Variants in LOC128706666 observed in about 807,000 individuals in gnomAD.
chr20:10,426,403 ATGT>A, the LOC128706666 span, among the ~76,000 whole-genome samples: 3 of 148,270 alleles, frequency 2.0e-5, no homozygotes, highest in Non-Finnish European at 4.5e-5. Flanking sequence ...CATGCCTGGC[ATGT>A]TGTTCTTTTT....
the LOC128706666 span, among the ~76,000 whole-genome samples, chr20:10,424,667 C>G: frequency 6.6e-6 from 1 of 152,040 alleles, no homozygotes; most frequent in African/African-American, 2.4e-5. Flanking sequence ...TAAACTCTTG[C>G]AGAGCTTTTA....
the LOC128706666 span, among the ~76,000 whole-genome samples, chr20:10,427,035 C>CACACAGACACACAG: frequency 1.8e-5 from 1 of 56,424 alleles, no homozygotes; most frequent in Non-Finnish European, 6.6e-5. Context: ...CACTGACACA[C>CACACAGACACACAG]ACACACACAC....
At chr20:10,429,526 A>T in the LOC128706666 span, among the ~76,000 whole-genome samples, 1 of 152,064 alleles carries the variant, frequency 6.6e-6, no homozygotes, top group Non-Finnish European at 1.5e-5. Flanking sequence ...GTCTCAATTC[A>T]TCTCATATAA....
At chr20:10,417,147 AG>A in the LOC128706666 span, among the ~76,000 whole-genome samples, 1 of 150,866 alleles carries the variant, frequency 6.6e-6, no homozygotes, top group Middle Eastern at 3.2e-3. Context: ...GTTACTCGGG[AG>A]GTTGAAGCAG....
chr20:10,430,716 A>C, the LOC128706666 span, among the ~76,000 whole-genome samples: 7 of 152,364 alleles, frequency 4.6e-5, no homozygotes, highest in East Asian at 1.2e-3. Context: ...GATAACTGTC[A>C]AGCTTCTAAA....
chr20:10,433,591 G>C, the LOC128706666 span, among the ~76,000 whole-genome samples: 1 of 152,344 alleles, frequency 6.6e-6, no homozygotes, highest in South Asian at 2.1e-4. Flanking sequence ...CATGACCTTA[G>C]AGGGTCATCC....
the LOC128706666 span, chr20:10,413,951 AC>A: frequency 2.7e-5 from 11 of 404,868 alleles, no homozygotes; most frequent in South Asian, 1.2e-4. Context: ...AATAAAAAAA[AC>A]ATTTTAGAGA....
At chr20:10,427,037 C>CACAG in the LOC128706666 span, among the ~76,000 whole-genome samples, 228 of 68,012 alleles carry the variant, frequency 3.4e-3, 2 homozygotes, top group Non-Finnish European at 4.3e-3. Context: ...CTGACACACA[C>CACAG]ACACACACAC....
the LOC128706666 span, among the ~76,000 whole-genome samples, chr20:10,427,995 C>T: frequency 6.6e-6 from 1 of 152,188 alleles, no homozygotes; most frequent in Non-Finnish European, 1.5e-5. Flanking sequence ...TATCTTATGT[C>T]TTTTGCTATT....
the LOC128706666 span, among the ~76,000 whole-genome samples, chr20:10,421,147 A>C: frequency 6.6e-6 from 1 of 152,212 alleles, no homozygotes; most frequent in African/African-American, 2.4e-5. Flanking sequence ...TTATAATTAC[A>C]GGCTGAGGGT....
chr20:10,430,922 A>G, the LOC128706666 span, among the ~76,000 whole-genome samples: 2 of 152,248 alleles, frequency 1.3e-5, no homozygotes, highest in African/African-American at 2.4e-5. Context: ...AACGTTTTAC[A>G]TAAGAGCAAA....
At chr20:10,425,354 A>T in the LOC128706666 span, among the ~76,000 whole-genome samples, 1 of 152,250 alleles carries the variant, frequency 6.6e-6, no homozygotes, top group Non-Finnish European at 1.5e-5. Context: ...GCTTTATTGC[A>T]AAATATGCTA....
chr20:10,419,854 T>C, the LOC128706666 span, among the ~76,000 whole-genome samples: 1 of 152,204 alleles, frequency 6.6e-6, no homozygotes, highest in Non-Finnish European at 1.5e-5. Context: ...TGTTTATTTC[T>C]GGAATTTTCT....
the LOC128706666 span, among the ~76,000 whole-genome samples, chr20:10,420,190 C>T: frequency 3.3e-5 from 5 of 151,948 alleles, no homozygotes; most frequent in Non-Finnish European, 7.4e-5. Context: ...AAAAAGAACA[C>T]TAATAGAAGA....
the LOC128706666 span, chr20:10,420,527 C>T: frequency 6.6e-6 from 1 of 152,126 alleles, no homozygotes; most frequent in South Asian, 2.1e-4. Flanking sequence ...ATGGAACTTA[C>T]CTGAAGATTG....
the LOC128706666 span, among the ~76,000 whole-genome samples, chr20:10,415,906 C>T: frequency 1.6e-3 from 242 of 151,836 alleles, 1 homozygote; most frequent in Middle Eastern, 0.014. Context: ...ACTCCCAAAT[C>T]ATTTTAAAGA....
chr20:10,422,138 T>C, the LOC128706666 span, among the ~76,000 whole-genome samples: 1 of 152,176 alleles, frequency 6.6e-6, no homozygotes, highest in Non-Finnish European at 1.5e-5. Context: ...TAAAAGATGT[T>C]ATCTTATAGC....
chr20:10,414,735 C>A, the LOC128706666 span, among the ~76,000 whole-genome samples: 429 of 152,248 alleles, frequency 2.8e-3, 1 homozygote, highest in Middle Eastern at 6.8e-3. Flanking sequence ...TAGCTGTTGG[C>A]ATGTCTACTG....
At chr20:10,422,011 G>C in the LOC128706666 span, among the ~76,000 whole-genome samples, 2 of 151,948 alleles carry the variant, frequency 1.3e-5, no homozygotes, top group Admixed American at 6.6e-5. Flanking sequence ...TTGTCTAAAT[G>C]CCATTAGAAA....
Sources: gnomAD v4.1 joint callset for allele counts (sites outside exome capture counted in the v4.1 genomes callset) on GRCh38, gnomAD v4.1.1 for gene constraint, MANE v1.5 for transcripts.